The following ENPP6 variants were observed in gnomAD, a reference collection of about 807,000 sequenced individuals.
ENPP6 encodes glycerophosphocholine cholinephosphodiesterase ENPP6.
In ENPP6, 32 loss-of-function variants were observed where a neutral mutation model predicts 42.0. The observed-to-expected ratio is 0.76, with a 90% CI of 0.58 to 1.02. The LOEUF is 1.02. Among genes scored for constraint, ENPP6 ranks in the 50% least tolerant of loss-of-function variants. ENPP6 has a pLI of 0.00. For synonymous variants in ENPP6, 213 were observed against 216.0 expected (o/e 0.99, Z 0.12); for missense variants, 552 against 566.8 (o/e 0.97, Z 0.27).
chr4:184,193,501 A>T (rs1482457127), intron 1 of ENPP6, among the ~76,000 whole-genome samples: 1 of 152,186 alleles, frequency 6.6e-6, no homozygotes, highest in Non-Finnish European at 1.5e-5. Flanking sequence ...CAGGGCACAA[A>T]GTTTCCTTTT....
intron 1 of ENPP6, among the ~76,000 whole-genome samples, chr4:184,188,202 T>C (rs1404223768): frequency 1.3e-5 from 2 of 152,230 alleles, no homozygotes; most frequent in Non-Finnish European, 2.9e-5. Context: ...TCCATCCTTA[T>C]GTTTATGTTT....
At chr4:184,134,398 T>C (rs1441316504) in intron 2 of ENPP6, among the ~76,000 whole-genome samples, 1 of 152,200 alleles carries the variant, frequency 6.6e-6, no homozygotes. Flanking sequence ...GGAATGGTTT[T>C]TAAAGACTTA....
chr4:184,210,054 C>A (rs1733082740), intron 1 of ENPP6, among the ~76,000 whole-genome samples: 1 of 150,776 alleles, frequency 6.6e-6, no homozygotes, highest in African/African-American at 2.5e-5. Flanking sequence ...TTTGTCACCA[C>A]CAGGCCTGTC....
rs965855466 is a variant in ENPP6, at chr4:184,146,027, T to TTC, written c.421+7526_421+7527insGA. Among the ~76,000 whole-genome samples, 199 of 151,850 alleles carry TTC rather than the reference T, an allele frequency of 1.3e-3. 3 individuals carry two copies. Among genetic ancestry groups the TTC allele is most frequent in the Non-Finnish European group, 1.1e-3 (75 of 67,894 alleles). On this transcript the variant is annotated intron_variant, in intron 2 of 7. Coordinates refer to ENST00000296741, the MANE Select transcript of ENPP6 (RefSeq NM_153343.4). ...TGATTTTAAGTTTTTCTTTTTCTTTTTTTTTTTTTTGGTTTAGTTTGTCTG... is the reference window on the plus strand; with the variant it reads ...TGATTTTAAGTTTTTCTTTTTCTTTTTCTTTTTTTTTTGGTTTAGTTTGTCTG...
intron 1 of ENPP6, among the ~76,000 whole-genome samples, chr4:184,158,637 G>A (rs1197897761): frequency 6.6e-6 from 1 of 152,188 alleles, no homozygotes; most frequent in African/African-American, 2.4e-5. Context: ...TTCTTCTAGA[G>A]ATATAACAAA....
intron 2 of ENPP6, among the ~76,000 whole-genome samples, chr4:184,128,742 C>G (rs1452810308): frequency 2.0e-5 from 3 of 151,984 alleles, no homozygotes; most frequent in Admixed American, 6.6e-5. Flanking sequence ...AGGCTGGATT[C>G]AATAGATATT....
At position 184,118,949 on chromosome 4, in the gene ENPP6, C is replaced by T. The variant is rs191108227; in HGVS notation, c.534-1049G>A. Among the ~76,000 whole-genome samples the T allele has an allele frequency of 7.2e-4, 110 of 152,334 alleles. 3 individuals carry two copies. Among genetic ancestry groups the T allele is most frequent in the Admixed American group, 6.8e-3 (104 of 15,304 alleles). On this transcript the variant is annotated intron_variant, in intron 3 of 7. Coordinates refer to ENST00000296741, the MANE Select transcript of ENPP6 (RefSeq NM_153343.4). ...TCTCCCATCACCTTATGATTCTGTC[C>T]TGATTTCTTTGCCATGTAAAAAGTT... is the stretch of plus-strand genomic sequence containing the variant.
At chr4:184,181,917 A>C (rs897101818) in intron 1 of ENPP6, among the ~76,000 whole-genome samples, 2 of 152,194 alleles carry the variant, frequency 1.3e-5, no homozygotes, top group Admixed American at 1.3e-4. Context: ...CTAGAAGAAA[A>C]TCTAGGCAAT....
At chr4:184,164,258 A>G (rs780507535) in intron 1 of ENPP6, among the ~76,000 whole-genome samples, 2 of 152,240 alleles carry the variant, frequency 1.3e-5, no homozygotes, top group Non-Finnish European at 2.9e-5. Context: ...AAAATGGTCC[A>G]TGCACAAGTG....
intron 5 of ENPP6, among the ~76,000 whole-genome samples, chr4:184,114,049 T>G (rs1222144083): frequency 2.0e-5 from 3 of 151,188 alleles, no homozygotes; most frequent in Non-Finnish European, 2.9e-5. Flanking sequence ...CACTGCAACC[T>G]CCGACTCCTG....
intron 1 of ENPP6, among the ~76,000 whole-genome samples, chr4:184,155,401 C>T (rs1737140569): frequency 6.6e-6 from 1 of 152,206 alleles, no homozygotes; most frequent in Admixed American, 6.5e-5. Context: ...AGGCCTCCTT[C>T]GTGGACAGTC....
chr4:184,178,232 T>A (rs947554475), intron 1 of ENPP6, among the ~76,000 whole-genome samples: 1 of 151,666 alleles, frequency 6.6e-6, no homozygotes, highest in Non-Finnish European at 1.5e-5. Context: ...CAACCACAAG[T>A]ATCAATAGCC....
In ENPP6 at chr4:184,214,901, T is replaced by C. The variant is rs141978934; in HGVS notation, c.241+2678A>G. The stretch of plus-strand genomic sequence containing the variant: ...ACGCATGCAGGGCTTAAAATCTAGA[T>C]GACGAGTTGACAGGTGCAGCAAACC... On this transcript the variant is annotated intron_variant, in intron 1 of 7. Transcript: ENST00000296741. Among the ~76,000 whole-genome samples the C allele has an allele frequency of 5.1e-3, 779 of 152,262 alleles. 8 individuals are homozygous for C. The highest frequency in any genetic ancestry group is 0.018 in the African/African-American group (737 of 41,532).
intron 6 of ENPP6, among the ~76,000 whole-genome samples, chr4:184,109,180 C>A (rs1736156917): frequency 1.3e-5 from 2 of 151,996 alleles, no homozygotes; most frequent in South Asian, 4.2e-4. Flanking sequence ...CACCGCACTC[C>A]AGCCTGGGTG....
intron 2 of ENPP6, among the ~76,000 whole-genome samples, chr4:184,133,165 A>T (rs9784546): frequency 0.49 from 48,641 of 100,084 alleles, 8,756 homozygotes; most frequent in African/African-American, 0.54. Flanking sequence ...GTCAATTCAC[A>T]CACACACACA....
intron 3 of ENPP6, among the ~76,000 whole-genome samples, chr4:184,120,519 T>A (rs13101629): frequency 1.3e-5 from 2 of 151,966 alleles, no homozygotes; most frequent in African/African-American, 4.8e-5. Context: ...TGTGACCCCC[T>A]GCTCTCCTCC....
chr4:184,189,298 T>C (rs1418618406), intron 1 of ENPP6, among the ~76,000 whole-genome samples: 2 of 152,150 alleles, frequency 1.3e-5, no homozygotes, highest in Non-Finnish European at 2.9e-5. Flanking sequence ...GAATTAGACT[T>C]TGTCCCTCAG....
chr4:184,166,610 A>G lies in ENPP6; in HGVS notation c.242-12877T>C, dbSNP rs374362882. Among the ~76,000 whole-genome samples, 26 of 152,384 alleles carry G rather than the reference A, an allele frequency of 1.7e-4. 1 individual carries two copies. The South Asian group carries it at 5.2e-3, about 30-fold the overall frequency. On this transcript the variant is annotated intron_variant, in intron 1 of 7. Coordinates refer to ENST00000296741, the MANE Select transcript of ENPP6 (RefSeq NM_153343.4). Reference sequence around the variant, plus strand: ...ATCCAATTCATCTTCACCGCTGTGCAAAGTTGGAAAAGAGCAATAATTAAT... The same window carrying G: ...ATCCAATTCATCTTCACCGCTGTGCGAAGTTGGAAAAGAGCAATAATTAAT...
In ENPP6 at chr4:184,136,481, T is replaced by A. The variant is rs564849561; in HGVS notation, c.422-12209A>T. Among the ~76,000 whole-genome samples, 10 of 152,362 alleles carry A rather than the reference T, an allele frequency of 6.6e-5. No individual in the cohort carries two copies. The East Asian group carries it at 1.7e-3, about 26-fold the overall frequency. On this transcript the variant is annotated intron_variant, in intron 2 of 7. Coordinates refer to ENST00000296741, the MANE Select transcript of ENPP6 (RefSeq NM_153343.4). ...GTGCTTCCATCTGTGATCATTTTCCTTCTGTCTAAAGAAGTTAATATTTCC... is the reference window on the plus strand; with the variant it reads ...GTGCTTCCATCTGTGATCATTTTCCATCTGTCTAAAGAAGTTAATATTTCC...
Sources: allele counts gnomAD v4.1 joint callset (sites outside exome capture counted in the v4.1 genomes callset), GRCh38; gene constraint gnomAD v4.1.1; transcripts MANE v1.5; gene names NCBI Gene and HGNC (gene_info 2026-07-23, HGNC 2026-07-21).